Variants in PBLD observed in about 807,000 individuals in gnomAD.
PBLD encodes phenazine biosynthesis-like domain-containing protein.
PBLD carries 26 observed loss-of-function variants against 31.3 expected under a neutral mutation model. The ratio of observed to expected loss-of-function variants is 0.83; its 90% CI spans 0.61 to 1.15. The LOEUF (loss-of-function observed/expected upper bound fraction) is 1.15, where lower values mean the gene tolerates loss of function less well. Ranked by LOEUF, PBLD falls within the 50% of genes most tolerant of loss-of-function variation. The pLI is 0.00. For synonymous variants in PBLD, 114 were observed against 129.0 expected (o/e 0.88, Z 0.79); for missense variants, 307 against 351.7 (o/e 0.87, Z 1.02).
intron 6 of PBLD, among the ~76,000 whole-genome samples, chr10:68,290,682 A>T (rs543612441): frequency 6.6e-6 from 1 of 152,124 alleles, no homozygotes; most frequent in East Asian, 1.9e-4. Context: ...ACACCATTGC[A>T]CTCCAACCTG....
intron 1 of PBLD, among the ~76,000 whole-genome samples, chr10:68,328,669 A>G (rs965170622): frequency 3.3e-5 from 5 of 152,248 alleles, no homozygotes; most frequent in African/African-American, 1.2e-4. Flanking sequence ...GGTTTTAACC[A>G]TCTCTATGGA....
At chr10:68,310,164 G>A (rs767763904) in intron 1 of PBLD, among the ~76,000 whole-genome samples, 3 of 149,370 alleles carry the variant, frequency 2.0e-5, no homozygotes, top group Admixed American at 6.8e-5. Context: ...AATAGAGTAC[G>A]GGCATTCAAA....
rs71009034 is a variant in PBLD at position 68,286,085 on chromosome 10, C to CTTTTTTTTTTTTT, written c.692-688_692-676dup. On this transcript the variant is annotated intron_variant, in intron 8 of 9. Transcript: ENST00000358769. ...GGAGAATCAAGGCCTTTGAATAATT[C>CTTTTTTTTTTTTT]TTTTTTTTTTTTTTTTTTTTGAGAC... Among the ~76,000 whole-genome samples the CTTTTTTTTTTTTT allele has an allele frequency of 5.8e-5, 6 of 103,422 alleles. 1 individual carries two copies. Among genetic ancestry groups the CTTTTTTTTTTTTT allele is most frequent in the East Asian group, 6.1e-4 (2 of 3,298 alleles). 67.8% of individuals were successfully genotyped at this position (103,422 alleles called of 152,430 possible).
At chr10:68,288,843 A>C in intron 7 of PBLD, 88 bp downstream of exon 7, 1 of 1,381,766 alleles carries the variant, frequency 7.2e-7, no homozygotes, top group Non-Finnish European at 1.0e-6. Context: ...TCATGGTTTG[A>C]CTGGACACAG....
intron 1 of PBLD, among the ~76,000 whole-genome samples, chr10:68,317,431 T>C (rs1346067199): frequency 6.6e-6 from 1 of 152,052 alleles, no homozygotes; most frequent in Non-Finnish European, 1.5e-5. Context: ...TCAAAATCAC[T>C]AATCATTAGG....
At chr10:68,290,484 G>A (rs1197369090) in intron 6 of PBLD, among the ~76,000 whole-genome samples, 1 of 152,130 alleles carries the variant, frequency 6.6e-6, no homozygotes, top group Non-Finnish European at 1.5e-5. Context: ...TTGGGAGGCC[G>A]AGGCAGGCGG....
chr10:68,291,484 A>G (rs1422947171), intron 6 of PBLD, among the ~76,000 whole-genome samples: 1 of 152,052 alleles, frequency 6.6e-6, no homozygotes, highest in Non-Finnish European at 1.5e-5. Context: ...TTTACTACAG[A>G]AACTGGGGAC....
chr10:68,308,057 G>C (rs192788850), intron 1 of PBLD, among the ~76,000 whole-genome samples: 2 of 152,040 alleles, frequency 1.3e-5, no homozygotes, highest in African/African-American at 4.8e-5. Context: ...TATTCACAGA[G>C]GATAGATCCC....
chr10:68,325,236 T>C (rs1252485055), intron 1 of PBLD, among the ~76,000 whole-genome samples: 1 of 151,608 alleles, frequency 6.6e-6, no homozygotes, highest in African/African-American at 2.4e-5. Context: ...AAAACAAGAC[T>C]CCGTCTCAGG....
At chr10:68,305,616 A>T (rs1200493562) in intron 2 of PBLD, among the ~76,000 whole-genome samples, 2 of 152,122 alleles carry the variant, frequency 1.3e-5, no homozygotes, top group Non-Finnish European at 2.9e-5. Flanking sequence ...TTAGTCGTGC[A>T]TGGTGGCGGG....
rs764135301 is a variant in PBLD, at chr10:68,288,477, A to G, written c.691+6T>C. The G allele has an allele frequency of 1.1e-5, 18 of 1,611,322 alleles. No homozygotes were observed. The Admixed American group carries it at 3.0e-4, about 27-fold the overall frequency. On this transcript the variant is annotated splice_donor_region_variant and intron_variant, in intron 8 of 9. Coordinates refer to ENST00000358769, the MANE Select transcript of PBLD (RefSeq NM_022129.4). ...TAACCCTCCCCTGGGCTCAAGTAAA[A>G]AGTACCTGTCACTGGGTCTTCAGCC...
At chr10:68,327,165 A>C (rs2044935204) in intron 1 of PBLD, among the ~76,000 whole-genome samples, 1 of 152,176 alleles carries the variant, frequency 6.6e-6, no homozygotes, top group Admixed American at 6.5e-5. Flanking sequence ...GTCAAGTCTA[A>C]GTTTTGCCAT....
At chr10:68,322,149 T>C (rs879508244) in intron 1 of PBLD, among the ~76,000 whole-genome samples, 1 of 152,166 alleles carries the variant, frequency 6.6e-6, no homozygotes, top group Non-Finnish European at 1.5e-5. Flanking sequence ...TTTACCTCTG[T>C]GGTTTTCCTC....
intron 2 of PBLD, among the ~76,000 whole-genome samples, chr10:68,301,016 C>T (rs568834999): frequency 6.6e-6 from 1 of 152,110 alleles, no homozygotes; most frequent in Admixed American, 6.6e-5. Flanking sequence ...CCTGCCTCAG[C>T]GTCCTGAGTA....
chr10:68,332,867 G>C lies in PBLD; in HGVS notation c.-143C>G, dbSNP rs1010279396. 6.6e-6 allele frequency: 1 copy of C among 152,356 alleles called. No individual in the cohort carries two copies. The highest frequency in any genetic ancestry group is 1.5e-5 in the Non-Finnish European group (1 of 68,158). 9.4% of individuals were successfully genotyped at this position (152,356 alleles called of 1,614,324 possible). A position where few individuals can be genotyped will look rare whatever the true frequency, so the allele number is the denominator to read the frequency against. The stretch of plus-strand genomic sequence containing the variant: ...GAGCTGGGGGAGGAAAGCCAATGGC[G>C]ACGAAGGTGCTCAACTCCCAAATCC... On this transcript the variant is annotated 5_prime_UTR_variant, in exon 1 of 10. Coordinates refer to ENST00000358769, the MANE Select transcript of PBLD (RefSeq NM_022129.4).
intron 8 of PBLD, among the ~76,000 whole-genome samples, chr10:68,286,079 AT>A (rs2044283610): frequency 9.9e-6 from 1 of 100,856 alleles, no homozygotes; most frequent in Admixed American, 1.1e-4. Context: ...AGGCCTTTGA[AT>A]AATTCTTTTT....
intron 1 of PBLD, among the ~76,000 whole-genome samples, chr10:68,328,350 A>C (rs2044956480): frequency 6.6e-6 from 1 of 152,154 alleles, no homozygotes; most frequent in South Asian, 2.1e-4. Flanking sequence ...TTTTTCGTTA[A>C]TGTGCCTTCC....
intron 6 of PBLD, among the ~76,000 whole-genome samples, chr10:68,290,547 G>A (rs558552413): frequency 1.8e-4 from 28 of 152,106 alleles, no homozygotes; most frequent in African/African-American, 4.1e-4. Flanking sequence ...GAGACACCCC[G>A]TCTCCACTAA....
In PBLD at chr10:68,306,919, A is replaced by G; in HGVS notation, c.-59-16T>C. The G allele has an allele frequency of 8.4e-7, 1 of 1,192,618 alleles. No individual in the cohort carries two copies. Among genetic ancestry groups the G allele is most frequent in the Non-Finnish European group, 1.2e-6 (1 of 816,576 alleles). 73.9% of individuals were successfully genotyped at this position (1,192,618 alleles called of 1,614,324 possible). ...TTTACGTCTTCTTCTTGGAAAAGGA[A>G]ATCAAAAAGTTAATGTTTTACTTGG... On this transcript the variant is annotated splice_polypyrimidine_tract_variant and intron_variant, in intron 1 of 9. Transcript: ENST00000358769.
Sources: allele counts gnomAD v4.1 joint callset (sites outside exome capture counted in the v4.1 genomes callset), GRCh38; gene constraint gnomAD v4.1.1; transcripts MANE v1.5; gene names NCBI Gene and HGNC (gene_info 2026-07-23, HGNC 2026-07-21).